Variants in ZMYND8 observed in about 807,000 individuals in gnomAD.
ZMYND8 encodes zinc finger MYND-type containing 8.
A neutral mutation model predicts 140.8 loss-of-function variants in ZMYND8; 37 were observed. The ratio of observed to expected loss-of-function variants is 0.26; its 90% confidence interval spans 0.20 to 0.35. The LOEUF (loss-of-function observed/expected upper bound fraction) is 0.35. Among genes scored for constraint, ZMYND8 ranks in the 10% least tolerant of loss-of-function variants. The pLI is 1.00. For missense variants in ZMYND8, 1,068 were observed against 1,570.0 expected (o/e 0.68, Z 5.40); for synonymous variants, 592 against 597.1 (o/e 0.99, Z 0.12).
At chr20:47,316,163 T>C (rs2079380613) in intron 2 of ZMYND8, among the ~76,000 whole-genome samples, 1 of 151,860 alleles carries the variant, frequency 6.6e-6, no homozygotes, top group Non-Finnish European at 1.5e-5. Context: ...AAACCCCGTC[T>C]CTACTAAAAA....
chr20:47,226,545 AG>A (rs775427632), intron 18 of ZMYND8, among the ~76,000 whole-genome samples: 35 of 152,332 alleles, frequency 2.3e-4, no homozygotes, highest in Non-Finnish European at 4.0e-4. Context: ...CATGATGAAC[AG>A]GGTGAAGAGT....
chr20:47,242,566 T>A (rs2040098187), intron 14 of ZMYND8, among the ~76,000 whole-genome samples: 1 of 152,196 alleles, frequency 6.6e-6, no homozygotes, highest in Non-Finnish European at 1.5e-5. Context: ...AATATACTGT[T>A]ATTGTTGATG....
intron 12 of ZMYND8, among the ~76,000 whole-genome samples, chr20:47,253,601 G>T (rs572307034): frequency 2.0e-5 from 3 of 151,460 alleles, no homozygotes; most frequent in Admixed American, 2.0e-4. Context: ...GGCAGCTAAG[G>T]CTGAGAACCC....
chr20:47,261,081 C>A (rs927525505), intron 12 of ZMYND8, among the ~76,000 whole-genome samples: 1 of 152,012 alleles, frequency 6.6e-6, no homozygotes, highest in Non-Finnish European at 1.5e-5. Flanking sequence ...ATTAGCCAGG[C>A]GTGGTGGTGC....
chr20:47,343,101 C>A (rs1023869320), intron 2 of ZMYND8, among the ~76,000 whole-genome samples: 1 of 152,024 alleles, frequency 6.6e-6, no homozygotes, highest in Non-Finnish European at 1.5e-5. Context: ...GGCAACACAG[C>A]GAGACTCCAT....
intron 16 of ZMYND8, 133 bp downstream of exon 16, chr20:47,236,193 G>A (rs534215915): frequency 9.4e-7 from 1 of 1,064,952 alleles, no homozygotes; most frequent in Non-Finnish European, 1.3e-6. Flanking sequence ...TGGAGATTCT[G>A]TTTTTAAAAA....
At chr20:47,215,000 T>C (rs769027758) in intron 21 of ZMYND8, among the ~76,000 whole-genome samples, 5 of 152,194 alleles carry the variant, frequency 3.3e-5, no homozygotes, top group Non-Finnish European at 7.3e-5. Flanking sequence ...GGAGAATGGC[T>C]TGAGCTCAGG....
chr20:47,232,904 TTG>T (rs1321257338), intron 16 of ZMYND8, among the ~76,000 whole-genome samples: 15 of 58,298 alleles, frequency 2.6e-4, no homozygotes, highest in African/African-American at 1.0e-3. Flanking sequence ...TTTGTTTTTT[TTG>T]TTTTTTTTTT....
chr20:47,277,461 G>A (rs1025223821), intron 10 of ZMYND8, among the ~76,000 whole-genome samples: 6 of 152,144 alleles, frequency 3.9e-5, no homozygotes, highest in Non-Finnish European at 8.8e-5. Context: ...AGTGGCCCCC[G>A]GGGGAGGTGC....
intron 9 of ZMYND8, among the ~76,000 whole-genome samples, chr20:47,283,287 C>T (rs2076721325): frequency 6.6e-6 from 1 of 152,186 alleles, no homozygotes. Flanking sequence ...AGCTTTGCTG[C>T]ATCCCACATC....
chr20:47,246,417 A>G lies in ZMYND8; in HGVS notation c.1875T>C (p.Asp625=), dbSNP rs2040566011. ...SDSSDSEYIS[D]DEQKSKNEPE... ...GCTCGTTCTTAGACTTCTGCTCATC[A>G]TCACTGATATACTCACTATCGCTAC... The change falls in exon 14 of 23, where the codon GAT becomes GAC. Residue 625 remains aspartate (D), a synonymous_variant. Coordinates refer to ENST00000471951, the MANE Select transcript of ZMYND8 (RefSeq NM_001281775.3). 2.5e-6 allele frequency: 4 copies of G among 1,613,868 alleles called. No homozygotes were observed. Among genetic ancestry groups the G allele is most frequent in the Non-Finnish European group, 3.4e-6 (4 of 1,179,980 alleles).
chr20:47,278,039 C>A (rs928797947), intron 10 of ZMYND8, among the ~76,000 whole-genome samples: 1 of 152,052 alleles, frequency 6.6e-6, no homozygotes, highest in Non-Finnish European at 1.5e-5. Context: ...GAAGTATGAT[C>A]AAGGCTCACT....
chr20:47,304,713 A>C (rs1400162956), intron 3 of ZMYND8, among the ~76,000 whole-genome samples: 2 of 152,226 alleles, frequency 1.3e-5, no homozygotes, highest in Non-Finnish European at 2.9e-5. Flanking sequence ...TGTAAGAAAG[A>C]ACCACCTAGC....
intron 13 of ZMYND8, among the ~76,000 whole-genome samples, chr20:47,248,796 A>C (rs2073933944): frequency 1.3e-5 from 2 of 152,232 alleles, no homozygotes; most frequent in Admixed American, 1.3e-4. Flanking sequence ...TCAGCCTCAC[A>C]GAAGGCAGGA....
intron 5 of ZMYND8, among the ~76,000 whole-genome samples, chr20:47,292,093 G>C (rs1168287392): frequency 6.6e-6 from 1 of 152,112 alleles, no homozygotes; most frequent in Non-Finnish European, 1.5e-5. Context: ...GCCCAATTGT[G>C]ATCCAATTTT....
intron 9 of ZMYND8, among the ~76,000 whole-genome samples, 185 bp from the exon 10 acceptor site, chr20:47,282,402 C>G (rs577372049): frequency 1.2e-4 from 19 of 152,246 alleles, no homozygotes; most frequent in Non-Finnish European, 2.1e-4. Flanking sequence ...CTGGACAAAA[C>G]TGCAAATGGA....
At chr20:47,355,317 A>T (rs1016656264) in intron 1 of ZMYND8, 10 of 373,308 alleles carry the variant, frequency 2.7e-5, no homozygotes, top group Admixed American at 6.4e-5. Flanking sequence ...GACACTCTTT[A>T]AAAAGCCCTT....
At chr20:47,294,804 A>T in intron 4 of ZMYND8, 25 bp from the exon 5 acceptor site, 2 of 1,602,402 alleles carry the variant, frequency 1.2e-6, no homozygotes, top group Non-Finnish European at 1.7e-6. Flanking sequence ...TCATACATAA[A>T]CGTCCGGTTA....
chr20:47,322,503 C>T lies in ZMYND8; in HGVS notation c.86-12299G>A, dbSNP rs1002240665. ...GTCTCCAGGCTGGAGTGCAGTGGCG[C>T]GATCTTGGCTCACTGCGACCTCCGC... On this transcript the variant is annotated intron_variant, in intron 2 of 22. Transcript: ENST00000471951. 2.7e-5 allele frequency among the ~76,000 whole-genome samples: 4 copies of T among 147,276 alleles called. No individual in the cohort carries two copies. In the Admixed American group the frequency reaches 2.7e-4, roughly 10 times the overall value.
Sources: allele counts gnomAD v4.1 joint callset (sites outside exome capture counted in the v4.1 genomes callset), GRCh38; gene constraint gnomAD v4.1.1; transcripts MANE v1.5; gene names NCBI Gene and HGNC (gene_info 2026-07-23, HGNC 2026-07-21).